The following JAZF1 variants were observed in gnomAD, a reference collection of about 807,000 sequenced individuals.
JAZF1 encodes the protein juxtaposed with another zinc finger protein 1.
Under a neutral mutation model 26.4 loss-of-function variants are expected in JAZF1, and 8 were observed. The ratio of observed to expected loss-of-function variants is 0.30; its 90% CI spans 0.18 to 0.55. JAZF1 has a LOEUF of 0.55. Among genes scored for constraint, JAZF1 ranks in the 20% least tolerant of loss-of-function variants. JAZF1 has a pLI of 0.94. For missense variants in JAZF1, 199 were observed against 322.0 expected (o/e 0.62, Z 2.92); for synonymous variants, 126 against 122.3 (o/e 1.03, Z -0.20).
intron 2 of JAZF1, among the ~76,000 whole-genome samples, chr7:27,939,576 G>A (rs1360115514): frequency 1.3e-5 from 2 of 152,198 alleles, no homozygotes; most frequent in Non-Finnish European, 1.5e-5. Flanking sequence ...ATGGCCTCAG[G>A]CTTTTTTCCT....
intron 3 of JAZF1, among the ~76,000 whole-genome samples, chr7:27,868,053 T>C (rs1380582247): frequency 6.6e-6 from 1 of 152,192 alleles, no homozygotes; most frequent in African/African-American, 2.4e-5. Flanking sequence ...TCAATTCCAT[T>C]TGCCATTTTC....
chr7:27,950,631 T>A (rs1428411032), intron 2 of JAZF1, among the ~76,000 whole-genome samples: 1 of 152,220 alleles, frequency 6.6e-6, no homozygotes, highest in Non-Finnish European at 1.5e-5. Context: ...ACAGGTCTGG[T>A]ACTTATGAAA....
At chr7:28,099,049 G>T (rs1784427456) in intron 1 of JAZF1, among the ~76,000 whole-genome samples, 1 of 152,224 alleles carries the variant, frequency 6.6e-6, no homozygotes, top group South Asian at 2.1e-4. Context: ...AGGACTGAGG[G>T]ATGCCAGCAC....
rs565414154 is a variant in JAZF1 at position 27,995,494 on chromosome 7, A to G, written c.116-3513T>C. On this transcript the variant is annotated intron_variant, in intron 1 of 4. Coordinates refer to ENST00000283928, the MANE Select transcript of JAZF1 (RefSeq NM_175061.4). Reference sequence around the variant, plus strand: ...AAACACAGCACCGACAGAGATTATGACACTGTTTTCCGCCCTAGACTACTC... The same window carrying G: ...AAACACAGCACCGACAGAGATTATGGCACTGTTTTCCGCCCTAGACTACTC... Among the ~76,000 whole-genome samples, 32 of 152,268 alleles carry G rather than the reference A, an allele frequency of 2.1e-4. 1 individual carries two copies. The highest frequency in any genetic ancestry group is 7.7e-4 in the African/African-American group (32 of 41,570).
At chr7:28,012,270 T>G (rs929990687) in intron 1 of JAZF1, among the ~76,000 whole-genome samples, 5 of 152,204 alleles carry the variant, frequency 3.3e-5, no homozygotes, top group Non-Finnish European at 7.3e-5. Context: ...TAAATTTTGA[T>G]CTGTCATTGA....
chr7:27,840,543 C>T lies in JAZF1; in HGVS notation c.555+155G>A, dbSNP rs1212010792. 2.0e-5 allele frequency among the ~76,000 whole-genome samples: 3 copies of T among 152,230 alleles called. No individual in the cohort carries two copies. Among genetic ancestry groups the T allele is most frequent in the African/African-American group, 7.2e-5 (3 of 41,470 alleles). On this transcript the variant is annotated intron_variant, in intron 4 of 4. Coordinates refer to ENST00000283928, the MANE Select transcript of JAZF1 (RefSeq NM_175061.4). The surrounding 1 kb of genome is among the most constrained non-coding windows in gnomAD (Gnocchi z 5.1). Reference sequence around the variant, plus strand: ...GCACTTCCTTGAGGGCACCTGTGTGCACACAGGGGTGAGGCCCACGCACTC... The same window carrying T: ...GCACTTCCTTGAGGGCACCTGTGTGTACACAGGGGTGAGGCCCACGCACTC...
At chr7:27,964,503 T>C (rs948790814) in intron 2 of JAZF1, among the ~76,000 whole-genome samples, 13 of 151,876 alleles carry the variant, frequency 8.6e-5, no homozygotes, top group Non-Finnish European at 1.8e-4. Flanking sequence ...GCTTATAAAA[T>C]TAGAATGGGA....
chr7:28,168,484 G>C (rs541151509), intron 1 of JAZF1, among the ~76,000 whole-genome samples: 1 of 151,408 alleles, frequency 6.6e-6, no homozygotes, highest in East Asian at 1.9e-4. Context: ...TGCCAACAAA[G>C]GGCCTGTACT....
intron 3 of JAZF1, among the ~76,000 whole-genome samples, chr7:27,888,638 A>G (rs570446806): frequency 6.2e-4 from 94 of 152,338 alleles, no homozygotes; most frequent in African/African-American, 2.2e-3. Flanking sequence ...GAAATTTTCA[A>G]TAACTTTATA....
chr7:27,917,966 C>A (rs924806368), intron 2 of JAZF1, among the ~76,000 whole-genome samples: 2 of 152,134 alleles, frequency 1.3e-5, no homozygotes, highest in Non-Finnish European at 1.5e-5. Flanking sequence ...AGGTTACATA[C>A]GGGCAGATGA....
intron 1 of JAZF1, among the ~76,000 whole-genome samples, chr7:28,018,267 T>C (rs1245029041): frequency 1.3e-5 from 2 of 151,982 alleles, no homozygotes; most frequent in Admixed American, 1.3e-4. Context: ...ATGTGCTGGG[T>C]GCATGGTCAC....
intron 1 of JAZF1, among the ~76,000 whole-genome samples, chr7:28,044,326 G>A (rs1019478666): frequency 1.3e-5 from 2 of 152,016 alleles, no homozygotes; most frequent in African/African-American, 4.8e-5. Flanking sequence ...CTTGAACAAA[G>A]GCAAGCAAAG....
chr7:27,970,535 G>C (rs1785356913), intron 2 of JAZF1, among the ~76,000 whole-genome samples: 1 of 152,168 alleles, frequency 6.6e-6, no homozygotes. Context: ...TCAATTATGA[G>C]TATATGGAAT....
chr7:27,835,401 A>C (rs980329609), intron 4 of JAZF1, among the ~76,000 whole-genome samples: 4 of 152,192 alleles, frequency 2.6e-5, no homozygotes, highest in Non-Finnish European at 5.9e-5. Flanking sequence ...GGCTGAGGGG[A>C]TTCCGGCAGG....
intron 1 of JAZF1, among the ~76,000 whole-genome samples, chr7:28,061,448 C>A (rs1783795916): frequency 6.6e-6 from 1 of 152,212 alleles, no homozygotes; most frequent in Non-Finnish European, 1.5e-5. Context: ...CAGACACACT[C>A]CGCTGAACAC....
At chr7:28,171,381 T>C (rs573032445) in intron 1 of JAZF1, among the ~76,000 whole-genome samples, 61 of 152,354 alleles carry the variant, frequency 4.0e-4, no homozygotes, top group Non-Finnish European at 7.2e-4. Flanking sequence ...TTTTTCACTG[T>C]CCAAAGTTAC....
intron 2 of JAZF1, among the ~76,000 whole-genome samples, chr7:27,907,642 AG>A (rs982629570): frequency 1.3e-5 from 2 of 152,180 alleles, no homozygotes; most frequent in Non-Finnish European, 2.9e-5. Flanking sequence ...ATCTAGCACC[AG>A]GGGGTGAGGC....
intron 2 of JAZF1, among the ~76,000 whole-genome samples, chr7:27,908,341 T>C (rs528520480): frequency 7.2e-5 from 11 of 152,190 alleles, no homozygotes; most frequent in Non-Finnish European, 1.6e-4. Context: ...AAAACTATTT[T>C]GGGGGCAAAG....
intron 1 of JAZF1, among the ~76,000 whole-genome samples, chr7:28,178,372 G>T (rs1335950101): frequency 6.6e-6 from 1 of 152,064 alleles, no homozygotes; most frequent in Non-Finnish European, 1.5e-5. Context: ...CTTTTAACCA[G>T]CTTGTCTAAG....
Sources: allele counts gnomAD v4.1 joint callset (sites outside exome capture counted in the v4.1 genomes callset), GRCh38; gene constraint gnomAD v4.1.1; non-coding constraint Gnocchi (gnomAD v3.1); transcripts MANE v1.5; gene names NCBI Gene and HGNC (gene_info 2026-07-23, HGNC 2026-07-21).